Variants in USP10 observed in about 807,000 individuals in gnomAD.
USP10 encodes ubiquitin carboxyl-terminal hydrolase 10.
USP10 carries 22 observed loss-of-function variants against 84.5 expected under a neutral mutation model. The observed-to-expected ratio is 0.26, with a 90% CI of 0.19 to 0.37. USP10 has a LOEUF of 0.37. Ranked by LOEUF, USP10 falls within the 10% of genes least tolerant of loss-of-function variation. The probability of loss-of-function intolerance (pLI) is 1.00; values close to 1 mark genes in which losing one functional copy is unlikely to be tolerated. For synonymous variants in USP10, 454 were observed against 387.6 expected, an observed-to-expected ratio of 1.17 and a Z score of -2.01; for missense variants, 1,019 against 998.9, an observed-to-expected ratio of 1.02 and a Z score of -0.27.
At chr16:84,755,527 C>T (rs1022922286) in intron 4 of USP10, among the ~76,000 whole-genome samples, 17 of 152,030 alleles carry the variant, frequency 1.1e-4, no homozygotes, top group African/African-American at 3.6e-4. Flanking sequence ...GGGACCTGTG[C>T]GTATGTTTGT....
At chr16:84,736,680 G>T (rs1478225826) in intron 2 of USP10, among the ~76,000 whole-genome samples, 5 of 152,204 alleles carry the variant, frequency 3.3e-5, no homozygotes, top group African/African-American at 7.2e-5. Flanking sequence ...TCCCAACCAT[G>T]ACTGAGTCAA....
At chr16:84,748,290 C>T (rs187335547) in intron 4 of USP10, among the ~76,000 whole-genome samples, 1 of 151,596 alleles carries the variant, frequency 6.6e-6, no homozygotes, top group Non-Finnish European at 1.5e-5. Flanking sequence ...AGTTCGAAGT[C>T]ATGAGAATTT....
chr16:84,713,635 C>G (rs1296976174), intron 1 of USP10, among the ~76,000 whole-genome samples: 4 of 152,164 alleles, frequency 2.6e-5, no homozygotes, highest in African/African-American at 9.7e-5. Flanking sequence ...TTAACAAACA[C>G]CTTCATGAAA....
chr16:84,756,199 C>T (rs1392550415), intron 4 of USP10, among the ~76,000 whole-genome samples: 2 of 152,092 alleles, frequency 1.3e-5, no homozygotes, highest in Middle Eastern at 3.4e-3. Context: ...TTGCCTAGGG[C>T]AGGACCACCT....
intron 13 of USP10, among the ~76,000 whole-genome samples, chr16:84,778,443 G>A (rs1376575964): frequency 6.6e-6 from 1 of 152,110 alleles, no homozygotes; most frequent in Non-Finnish European, 1.5e-5. Flanking sequence ...ATTTCTTCTA[G>A]TGGCTATTGA....
At chr16:84,735,196 G>GATGTGT (rs1555541026) in intron 2 of USP10, among the ~76,000 whole-genome samples, 3,522 of 146,322 alleles carry the variant, frequency 0.024, 60 homozygotes, top group Middle Eastern at 0.049. Flanking sequence ...AGGCCCGGGT[G>GATGTGT]GTGTGTGTGT....
chr16:84,739,175 C>G (rs575549733), intron 2 of USP10, among the ~76,000 whole-genome samples: 3 of 149,500 alleles, frequency 2.0e-5, no homozygotes, highest in Non-Finnish European at 4.4e-5. Context: ...TCTCCTGCCT[C>G]AGCCTCCTGA....
intron 1 of USP10, among the ~76,000 whole-genome samples, chr16:84,708,514 G>C (rs997697550): frequency 6.6e-6 from 1 of 152,196 alleles, no homozygotes; most frequent in Non-Finnish European, 1.5e-5. Context: ...CTTTGCACTA[G>C]ATTTATGAGA....
intron 2 of USP10, among the ~76,000 whole-genome samples, chr16:84,735,212 T>TG (rs1909759230): frequency 3.2e-5 from 2 of 62,676 alleles, no homozygotes; most frequent in Admixed American, 2.2e-4. Flanking sequence ...TGTGTGTGTG[T>TG]GTGTGTGTGT....
At chr16:84,732,441 CT>C in intron 1 of USP10, 1 of 397,198 alleles carries the variant, frequency 2.5e-6, no homozygotes, top group South Asian at 1.8e-5. Context: ...ACTTCTTCTT[CT>C]TCTTTTTTTT....
At chr16:84,711,267 A>C (rs574996893) in intron 1 of USP10, among the ~76,000 whole-genome samples, 45 of 152,326 alleles carry the variant, frequency 3.0e-4, no homozygotes, top group African/African-American at 9.6e-4. Context: ...AAATGTAAGT[A>C]CACATGTGTT....
chr16:84,757,400 GGGGTGTGTGTGTGTGTGTGT>G (rs1253823412), intron 4 of USP10, among the ~76,000 whole-genome samples: 58 of 61,218 alleles, frequency 9.5e-4, no homozygotes, highest in African/African-American at 3.0e-3. Flanking sequence ...GAGAGGGGTG[GGGGTGTGTGTGTGTGTGTGT>G]GTGTGTGTGT....
chr16:84,733,655 G>C (rs1327840349), intron 2 of USP10, among the ~76,000 whole-genome samples, 152 bp downstream of exon 2: 1 of 152,104 alleles, frequency 6.6e-6, no homozygotes, highest in Non-Finnish European at 1.5e-5. Flanking sequence ...AACTAGATTT[G>C]ACTGACATTT....
chr16:84,752,627 G>A (rs1288743883), intron 4 of USP10, among the ~76,000 whole-genome samples: 3 of 152,200 alleles, frequency 2.0e-5, no homozygotes, highest in African/African-American at 4.8e-5. Context: ...TGGCTTGTCC[G>A]TAAGACCTGA....
At chr16:84,704,709 C>T in intron 1 of USP10, 1 of 1,486,724 alleles carries the variant, frequency 6.7e-7, no homozygotes, top group Admixed American at 2.4e-5. Context: ...TAGATTTTTT[C>T]TGAACTGGCT....
chr16:84,766,255 T>G (rs1913849621), intron 10 of USP10, among the ~76,000 whole-genome samples: 1 of 152,258 alleles, frequency 6.6e-6, no homozygotes, highest in Non-Finnish European at 1.5e-5. Context: ...AGCAGCCATG[T>G]GACCTTGAAC....
At chr16:84,725,629 CCTG>C (rs1257778250) in intron 1 of USP10, among the ~76,000 whole-genome samples, 2 of 152,052 alleles carry the variant, frequency 1.3e-5, no homozygotes, top group African/African-American at 4.8e-5. Flanking sequence ...TTCTCTGACT[CCTG>C]ACCTCAGGTG....
At chr16:84,723,830 G>C (rs1410839806) in intron 1 of USP10, among the ~76,000 whole-genome samples, 2 of 152,174 alleles carry the variant, frequency 1.3e-5, no homozygotes, top group African/African-American at 2.4e-5. Flanking sequence ...CCACAATCAA[G>C]ACACCAGTTC....
chr16:84,705,541 C>G (rs1205093254), intron 1 of USP10, among the ~76,000 whole-genome samples: 1 of 151,702 alleles, frequency 6.6e-6, no homozygotes, highest in Non-Finnish European at 1.5e-5. Context: ...ACTCCTGTGC[C>G]TTTTGAACCT....
Sources: allele counts gnomAD v4.1 joint callset (sites outside exome capture counted in the v4.1 genomes callset), GRCh38; gene constraint gnomAD v4.1.1; transcripts MANE v1.5; gene names NCBI Gene and HGNC (gene_info 2026-07-23, HGNC 2026-07-21).